JPT1: variants seen among roughly 807,000 people sequenced by gnomAD.
JPT1 encodes the protein androgen-regulated protein 2.
JPT1 carries 5 observed loss-of-function variants against 17.0 expected under a neutral mutation model. The observed-to-expected ratio is 0.29, with a 90% CI of 0.15 to 0.62. The LOEUF (loss-of-function observed/expected upper bound fraction) is 0.62. Among genes scored for constraint, JPT1 ranks in the 20% least tolerant of loss-of-function variants. JPT1 has a pLI of 0.85. For synonymous variants in JPT1, 71 were observed against 73.6 expected, an observed-to-expected ratio of 0.96 and a Z score of 0.18; for missense variants, 158 against 188.1, an observed-to-expected ratio of 0.84 and a Z score of 0.94.
At chr17:75,135,247 G>A (rs1209595887), downstream of JPT1, 2 of 152,664 alleles carry the variant, frequency 1.3e-5, no homozygotes, top group East Asian at 3.8e-4. Context: ...AGTACACAGT[G>A]TTTCAAAATG....
rs569963358 is a variant in JPT1, at chr17:75,151,676, T to TA, written c.56+2665dup. Among the ~76,000 whole-genome samples, 9 of 145,282 alleles carry TA rather than the reference T, an allele frequency of 6.2e-5. No individual in the cohort carries two copies. In the South Asian group the frequency reaches 6.7e-4, roughly 11 times the overall value. ...GACTGTCTCAAAAAAATAAATTAAT[T>TA]AAAAAAAATAAGGCAGGGCGCAGTG... On this transcript the variant is annotated intron_variant, in intron 1 of 4. Coordinates refer to ENST00000409753, the MANE Select transcript of JPT1 (RefSeq NM_016185.4).
At chr17:75,147,190 T>C (rs2074456294) in intron 3 of JPT1, among the ~76,000 whole-genome samples, 1 of 152,190 alleles carries the variant, frequency 6.6e-6, no homozygotes, top group Non-Finnish European at 1.5e-5. Context: ...TTGGTGGCAG[T>C]ATTCAACTGC....
At chr17:75,136,276 TACTC>T (rs771157865) in intron 4 of JPT1, 26 bp from the exon 5 acceptor site, 3 of 1,541,632 alleles carry the variant, frequency 1.9e-6, no homozygotes, top group Admixed American at 4.1e-5. Flanking sequence ...ATAGAAATAA[TACTC>T]ATAATGACAG....
intron 1 of JPT1, 124 bp from the exon 2 acceptor site, chr17:75,148,795 GCTGCT>G: frequency 8.9e-7 from 1 of 1,127,104 alleles, no homozygotes; most frequent in Admixed American, 2.7e-5. Flanking sequence ...ACAACAGATA[GCTGCT>G]AACAGGAAAA....
At chr17:75,139,621 G>A (rs1369068790) in intron 4 of JPT1, among the ~76,000 whole-genome samples, 7 of 152,060 alleles carry the variant, frequency 4.6e-5, no homozygotes, top group African/African-American at 7.2e-5. Flanking sequence ...AGGAGTTTGA[G>A]ACCAGCTTGG....
intron 4 of JPT1, among the ~76,000 whole-genome samples, chr17:75,141,974 C>T (rs558537671): frequency 2.3e-4 from 35 of 151,978 alleles, no homozygotes; most frequent in South Asian, 6.2e-4. Context: ...GAGGCTAAGG[C>T]GGGAGAATCG....
chr17:75,137,995 T>C (rs1353566214), intron 4 of JPT1, among the ~76,000 whole-genome samples: 1 of 151,428 alleles, frequency 6.6e-6, no homozygotes, highest in Non-Finnish European at 1.5e-5. Context: ...TCACACATGT[T>C]GTCCAGGCTA....
chr17:75,142,278 G>A (rs1334807013), intron 4 of JPT1, among the ~76,000 whole-genome samples: 2 of 151,530 alleles, frequency 1.3e-5, no homozygotes, highest in African/African-American at 2.4e-5. Context: ...CAGTAGAACC[G>A]GCCGGGCCTG....
intron 1 of JPT1, 133 bp from the exon 2 acceptor site, chr17:75,148,804 AGG>A: frequency 1.9e-6 from 2 of 1,080,786 alleles, no homozygotes; most frequent in African/African-American, 1.6e-5. Flanking sequence ...AGCTGCTAAC[AGG>A]AAAAAAGAAT....
chr17:75,144,373 C>T (rs1411931561), intron 4 of JPT1, among the ~76,000 whole-genome samples: 1 of 151,778 alleles, frequency 6.6e-6, no homozygotes, highest in Non-Finnish European at 1.5e-5. Context: ...ATTAGCCAGG[C>T]ATGGTGGCAT....
intron 1 of JPT1, chr17:75,153,278 C>T (rs2074581818): frequency 6.6e-6 from 1 of 152,238 alleles, no homozygotes. Flanking sequence ...AATCCAAACC[C>T]TTCCACCAAG....
Sources: allele counts gnomAD v4.1 joint callset (sites outside exome capture counted in the v4.1 genomes callset), GRCh38; gene constraint gnomAD v4.1.1; transcripts MANE v1.5; gene names NCBI Gene and HGNC (gene_info 2026-07-23, HGNC 2026-07-21).